MBD5: variants seen among roughly 807,000 people sequenced by gnomAD.
MBD5 encodes the protein methyl-CpG binding domain protein 5.
In MBD5, 13 loss-of-function variants were observed where a neutral mutation model predicts 117.3. That is an observed-to-expected ratio of 0.11 (90% CI 0.07 to 0.18). MBD5 has a LOEUF of 0.18. Ranked by LOEUF, MBD5 falls within the 10% of genes least tolerant of loss-of-function variation. The pLI is 1.00. For synonymous variants in MBD5, 727 were observed against 766.4 expected, an observed-to-expected ratio of 0.95 and a Z score of 0.85; for missense variants, 1,879 against 2,093.8, an observed-to-expected ratio of 0.90 and a Z score of 2.00.
chr2:148,468,239 C>G (rs916188966), intron 7 of MBD5, 102 bp from the exon 8 acceptor site: 2 of 911,464 alleles, frequency 2.2e-6, no homozygotes, highest in Admixed American at 2.0e-5. Context: ...TCCAGATGCC[C>G]ATCCTCCCTC....
chr2:148,184,114 C>T (rs1006264781), intron 2 of MBD5, among the ~76,000 whole-genome samples: 8 of 151,310 alleles, frequency 5.3e-5, no homozygotes, highest in Non-Finnish European at 8.8e-5. Flanking sequence ...TGGGCCCAAG[C>T]GATTCTCCCA....
intron 5 of MBD5, among the ~76,000 whole-genome samples, chr2:148,461,285 C>T (rs1291538145): frequency 6.6e-6 from 1 of 152,046 alleles, no homozygotes; most frequent in East Asian, 1.9e-4. Flanking sequence ...GTTGCCCTTC[C>T]CTGCAGTGGT....
intron 3 of MBD5, among the ~76,000 whole-genome samples, chr2:148,327,914 G>A (rs997014298): frequency 7.2e-5 from 11 of 152,206 alleles, no homozygotes; most frequent in East Asian, 5.8e-4. Flanking sequence ...GAGGAGAGGC[G>A]CTCTGCTTTT....
At chr2:148,344,556 G>C (rs758287332) in intron 4 of MBD5, among the ~76,000 whole-genome samples, 14 of 151,898 alleles carry the variant, frequency 9.2e-5, no homozygotes, top group Non-Finnish European at 1.6e-4. Flanking sequence ...TGTATTCCCA[G>C]GTTTGTGAAT....
intron 8 of MBD5, 54 bp downstream of exon 8, chr2:148,470,515 TA>T (rs1553518843): frequency 7.1e-7 from 1 of 1,409,620 alleles, no homozygotes. Context: ...TCTACTTTTT[TA>T]AAAAATTTGT....
At chr2:148,468,081 T>C (rs1405744367) in intron 7 of MBD5, among the ~76,000 whole-genome samples, 1 of 152,082 alleles carries the variant, frequency 6.6e-6, no homozygotes, top group Admixed American at 6.6e-5. Context: ...AGATAAAGAG[T>C]AAATAAGCAT....
At chr2:148,057,729 G>T (rs1403867924) in intron 1 of MBD5, among the ~76,000 whole-genome samples, 6 of 151,848 alleles carry the variant, frequency 4.0e-5, no homozygotes, top group African/African-American at 1.4e-4. Flanking sequence ...AAATGAATTT[G>T]CAGTACTCTC....
intron 1 of MBD5, among the ~76,000 whole-genome samples, chr2:148,178,460 G>T (rs1431366999): frequency 6.6e-6 from 1 of 152,150 alleles, no homozygotes; most frequent in African/African-American, 2.4e-5. Flanking sequence ...ATTATAGAAA[G>T]TACTCAACTC....
At chr2:148,076,778 G>T (rs2105125657) in intron 1 of MBD5, among the ~76,000 whole-genome samples, 1 of 152,284 alleles carries the variant, frequency 6.6e-6, no homozygotes, top group South Asian at 2.1e-4. Context: ...TTAAGTAACT[G>T]CTATGTACAA....
At chr2:148,141,918 A>G (rs1040637545) in intron 1 of MBD5, among the ~76,000 whole-genome samples, 4 of 152,098 alleles carry the variant, frequency 2.6e-5, no homozygotes, top group Non-Finnish European at 2.9e-5. Flanking sequence ...CAAGGCTGCC[A>G]TGACCTATGA....
intron 1 of MBD5, among the ~76,000 whole-genome samples, chr2:148,148,839 C>A (rs1404061341): frequency 6.6e-6 from 1 of 152,230 alleles, no homozygotes; most frequent in East Asian, 1.9e-4. Context: ...AACTTATCAT[C>A]TTCTACATTT....
At chr2:148,401,319 T>C (rs1704913819) in intron 4 of MBD5, among the ~76,000 whole-genome samples, 1 of 152,072 alleles carries the variant, frequency 6.6e-6, no homozygotes, top group Non-Finnish European at 1.5e-5. Context: ...GCCTGGCTGG[T>C]TTATAATTTG....
chr2:148,082,480 C>A (rs1269824934), intron 1 of MBD5, among the ~76,000 whole-genome samples: 2 of 152,124 alleles, frequency 1.3e-5, no homozygotes, highest in African/African-American at 4.8e-5. Flanking sequence ...TATTATTCAC[C>A]TTTTTGTCCT....
chr2:148,284,095 T>C (rs942191719), intron 3 of MBD5, among the ~76,000 whole-genome samples: 48 of 152,338 alleles, frequency 3.2e-4, no homozygotes, highest in African/African-American at 1.2e-3. Context: ...CTATATATAC[T>C]ATTTTGCCCT....
At chr2:148,239,686 TACACACAC>T (rs34980624) in intron 3 of MBD5, among the ~76,000 whole-genome samples, 99 of 141,566 alleles carry the variant, frequency 7.0e-4, no homozygotes, top group Non-Finnish European at 1.1e-3. Context: ...TTTATTTACT[TACACACAC>T]ACACACACAC....
intron 3 of MBD5, among the ~76,000 whole-genome samples, chr2:148,308,395 T>G (rs935865197): frequency 3.3e-5 from 5 of 152,090 alleles, no homozygotes; most frequent in African/African-American, 1.2e-4. Context: ...TGACCAGTGA[T>G]AATGAGTTTT....
rs183048503 is a variant in MBD5 at position 148,331,636 on chromosome 2, G to A, written c.-679-10578G>A. On this transcript the variant is annotated intron_variant, in intron 3 of 13. Transcript: ENST00000642680. ...GAAATTTAAAAGGCTGATATTAAAAGTAGTTTTTTTTCTTAAATATGCTAA... is the reference window on the plus strand; with the variant it reads ...GAAATTTAAAAGGCTGATATTAAAAATAGTTTTTTTTCTTAAATATGCTAA... Among the ~76,000 whole-genome samples, 157 of 152,108 alleles carry A rather than the reference G, an allele frequency of 1.0e-3. 3 individuals carry two copies. The highest frequency in any genetic ancestry group is 1.3e-4 in the Non-Finnish European group (9 of 67,940).
At chr2:148,268,554 G>T (rs1700912947) in intron 3 of MBD5, among the ~76,000 whole-genome samples, 1 of 151,408 alleles carries the variant, frequency 6.6e-6, no homozygotes, top group Non-Finnish European at 1.5e-5. Flanking sequence ...GTAGTTAATG[G>T]TAATTCTAAA....
At chr2:148,129,331 T>C (rs901531843) in intron 1 of MBD5, among the ~76,000 whole-genome samples, 1 of 151,856 alleles carries the variant, frequency 6.6e-6, no homozygotes, top group Non-Finnish European at 1.5e-5. Context: ...CTGTCTCTAC[T>C]AAAAAATAGA....
Sources: allele counts gnomAD v4.1 joint callset (sites outside exome capture counted in the v4.1 genomes callset), GRCh38; gene constraint gnomAD v4.1.1; transcripts MANE v1.5; gene names NCBI Gene and HGNC (gene_info 2026-07-23, HGNC 2026-07-21).